Variants in GRM7 observed in about 807,000 individuals in gnomAD.
The protein encoded by GRM7 is glutamate metabotropic receptor 7.
In GRM7, 35 loss-of-function variants were observed where a neutral mutation model predicts 84.5. The observed-to-expected ratio is 0.41, with a 90% confidence interval of 0.32 to 0.55. The LOEUF (loss-of-function observed/expected upper bound fraction) is 0.55, where lower values mean the gene tolerates loss of function less well. Ranked by LOEUF, GRM7 falls within the 20% of genes least tolerant of loss-of-function variation. The probability of loss-of-function intolerance (pLI) is 0.19; values close to 1 mark genes in which losing one functional copy is unlikely to be tolerated. For synonymous variants in GRM7, 487 were observed against 455.1 expected (o/e 1.07, Z -0.89); for missense variants, 1,003 against 1,194.6 (o/e 0.84, Z 2.36).
intron 7 of GRM7, among the ~76,000 whole-genome samples, chr3:7,557,720 T>A (rs1212992549): frequency 6.6e-6 from 1 of 152,124 alleles, no homozygotes; most frequent in African/African-American, 2.4e-5. Flanking sequence ...TGTAAAAAAC[T>A]TAAACTCATT....
rs533229484 is a variant in GRM7, at chr3:7,486,511, T to C, written c.1515+24789T>C. On this transcript the variant is annotated intron_variant, in intron 7 of 9. Transcript: ENST00000357716. The surrounding 1 kb of genome is among the most constrained non-coding windows in gnomAD (Gnocchi z 5.5). ...TGCAGTCACTGGGAGAGTGAGTGAG[T>C]TTTTGCTTTCCTGGACTGGATTATT... Among the ~76,000 whole-genome samples, 51 of 151,866 alleles carry C rather than the reference T, an allele frequency of 3.4e-4. No homozygotes were observed. Among genetic ancestry groups the C allele is most frequent in the African/African-American group, 1.2e-3 (50 of 41,422 alleles).
At chr3:7,064,678 G>A (rs1012071566) in intron 1 of GRM7, among the ~76,000 whole-genome samples, 1 of 150,730 alleles carries the variant, frequency 6.6e-6, no homozygotes, top group Admixed American at 6.6e-5. Context: ...TATCTTTTTC[G>A]AATAGTGTCT....
At chr3:7,148,996 T>A (rs115965510) in intron 2 of GRM7, among the ~76,000 whole-genome samples, 1 of 152,136 alleles carries the variant, frequency 6.6e-6, no homozygotes, top group Non-Finnish European at 1.5e-5. Flanking sequence ...TTAATAAGTA[T>A]TCTTCTTTTA....
chr3:7,715,502 A>G (rs1002102999), intron 9 of GRM7, among the ~76,000 whole-genome samples: 1 of 152,174 alleles, frequency 6.6e-6, no homozygotes, highest in Non-Finnish European at 1.5e-5. Flanking sequence ...AGATGGTAAC[A>G]TATATTTACT....
intron 1 of GRM7, among the ~76,000 whole-genome samples, chr3:7,047,794 C>T (rs144729011): frequency 3.3e-5 from 5 of 152,014 alleles, no homozygotes; most frequent in Non-Finnish European, 5.9e-5. Context: ...CAGCATTATC[C>T]TAAAGCTTGA....
intron 3 of GRM7, among the ~76,000 whole-genome samples, chr3:7,301,686 A>G (rs563606093): frequency 2.0e-4 from 30 of 152,192 alleles, no homozygotes; most frequent in South Asian, 8.3e-4. Context: ...TGTGTTAAAC[A>G]TTATTGTATA....
chr3:7,622,048 A>T (rs1455962179), intron 8 of GRM7, among the ~76,000 whole-genome samples: 1 of 152,176 alleles, frequency 6.6e-6, no homozygotes, highest in Non-Finnish European at 1.5e-5. Context: ...CTGGGAAAAA[A>T]GTTGTCACGG....
At chr3:7,413,860 A>G (rs1444884257) in intron 4 of GRM7, among the ~76,000 whole-genome samples, 2 of 152,144 alleles carry the variant, frequency 1.3e-5, no homozygotes, top group East Asian at 3.9e-4. Flanking sequence ...AATAAGACTC[A>G]GATACTGCCT....
chr3:7,463,380 TG>T (rs1318786715), intron 7 of GRM7, among the ~76,000 whole-genome samples: 1 of 152,216 alleles, frequency 6.6e-6, no homozygotes, highest in Non-Finnish European at 1.5e-5. Context: ...TTGTTTGGTT[TG>T]TATTTTATCC....
At chr3:7,582,778 G>T (rs557673549) in intron 8 of GRM7, among the ~76,000 whole-genome samples, 1 of 152,184 alleles carries the variant, frequency 6.6e-6, no homozygotes, top group East Asian at 1.9e-4. Flanking sequence ...TACCTCAGTG[G>T]TTCTTCAAAT....
intron 1 of GRM7, among the ~76,000 whole-genome samples, chr3:6,992,294 T>C (rs1694670016): frequency 1.3e-5 from 2 of 152,212 alleles, no homozygotes; most frequent in Non-Finnish European, 2.9e-5. Context: ...GCTTTGATTT[T>C]TAGGAGTCCT....
intron 9 of GRM7, among the ~76,000 whole-genome samples, chr3:7,686,726 C>A (rs1700600592): frequency 6.6e-6 from 1 of 152,300 alleles, no homozygotes; most frequent in Middle Eastern, 3.4e-3. Context: ...CATTCCGACA[C>A]ATGCTCTACT....
intron 7 of GRM7, among the ~76,000 whole-genome samples, chr3:7,490,527 CT>C (rs1386730947): frequency 2.0e-5 from 3 of 152,116 alleles, no homozygotes; most frequent in Admixed American, 2.0e-4. Flanking sequence ...TAGCCTGAAA[CT>C]ATAATGTTGA....
At chr3:7,234,439 A>G (rs552394122) in intron 2 of GRM7, among the ~76,000 whole-genome samples, 1 of 152,308 alleles carries the variant, frequency 6.6e-6, no homozygotes, top group African/African-American at 2.4e-5. Flanking sequence ...CCTAACCAGT[A>G]ATAAAGTATC....
intron 1 of GRM7, among the ~76,000 whole-genome samples, chr3:6,981,500 G>A (rs569397461): frequency 3.9e-5 from 6 of 152,150 alleles, no homozygotes; most frequent in Non-Finnish European, 8.8e-5. Context: ...TGTTGGCATA[G>A]GTTGTCTACC....
At chr3:7,442,958 TC>T (rs1423915693) in intron 5 of GRM7, among the ~76,000 whole-genome samples, 16 of 151,870 alleles carry the variant, frequency 1.1e-4, no homozygotes, top group South Asian at 4.2e-4. Context: ...CTCTCTTGCC[TC>T]CCCCCCATAC....
At chr3:7,473,422 G>A (rs950217877) in intron 7 of GRM7, among the ~76,000 whole-genome samples, 1 of 151,558 alleles carries the variant, frequency 6.6e-6, no homozygotes, top group African/African-American at 2.4e-5. Flanking sequence ...AAAGCAATGA[G>A]CTATGACTGC....
At chr3:7,282,781 C>T (rs1699299320) in intron 2 of GRM7, among the ~76,000 whole-genome samples, 1 of 152,134 alleles carries the variant, frequency 6.6e-6, no homozygotes. Flanking sequence ...GAAACATCTG[C>T]AGTGATATAT....
intron 5 of GRM7, among the ~76,000 whole-genome samples, chr3:7,415,784 T>C (rs1696134327): frequency 6.6e-6 from 1 of 152,122 alleles, no homozygotes; most frequent in South Asian, 2.1e-4. Context: ...GATCTGGTGG[T>C]GAGCAAACTA....
Sources: allele counts gnomAD v4.1 joint callset (sites outside exome capture counted in the v4.1 genomes callset), GRCh38; gene constraint gnomAD v4.1.1; non-coding constraint Gnocchi (gnomAD v3.1); transcripts MANE v1.5; gene names NCBI Gene and HGNC (gene_info 2026-07-23, HGNC 2026-07-21).